Variants in SI observed in about 807,000 individuals in gnomAD.
The protein encoded by SI is sucrase-isomaltase, intestinal.
A neutral mutation model predicts 253.3 loss-of-function variants in SI; 235 were observed. The ratio of observed to expected loss-of-function variants is 0.93; its 90% CI spans 0.83 to 1.03. SI has a LOEUF of 1.03. SI is among the 50% of genes least tolerant of loss of function. The probability of loss-of-function intolerance (pLI) is 0.00; values close to 1 mark genes in which losing one functional copy is unlikely to be tolerated. For missense variants in SI, 2,442 were observed against 2,211.1 expected, an observed-to-expected ratio of 1.10 and a Z score of -2.09; for synonymous variants, 819 against 712.0, an observed-to-expected ratio of 1.15 and a Z score of -2.39.
intron 10 of SI, among the ~76,000 whole-genome samples, chr3:165,059,692 T>C (rs1200367933): frequency 2.0e-5 from 3 of 151,986 alleles, no homozygotes; most frequent in Non-Finnish European, 4.4e-5. Context: ...CTAGTATAAC[T>C]AACAATTGAT....
chr3:165,016,063 G>A lies in SI; in HGVS notation c.3777C>T (p.Asp1259=). ...ANIPYDVQYT[D]IDYMERQLDF... ...CTAGCTGCCTTTCCATGTAGTCAAT[G>A]TCTGTGTACTGAACATCCTGAAATA... is the stretch of plus-strand genomic sequence containing the variant. The change falls in exon 32 of 48, where the codon GAC becomes GAT. Residue 1259 remains aspartate, a synonymous_variant. Transcript: ENST00000264382. The A allele has an allele frequency of 6.2e-7, 1 of 1,612,836 alleles. No homozygotes were observed. Among genetic ancestry groups the A allele is most frequent in the Non-Finnish European group, 8.5e-7 (1 of 1,179,122 alleles).
Position 165,009,783 on chromosome 3 carries a change from T to C in SI, c.4063-388A>G, listed in dbSNP as rs537327207. Among the ~76,000 whole-genome samples, 10 of 152,268 alleles carry C rather than the reference T, an allele frequency of 6.6e-5. No individual in the cohort carries two copies. In the South Asian group the frequency reaches 2.1e-3, roughly 32 times the overall value. On this transcript the variant is annotated intron_variant, in intron 34 of 47. Transcript: ENST00000264382. ...GGCCATAGTATAAAGCCTGTTTTTA[T>C]ATAGCTTTCTCATTTCCCAGAACCA... is the stretch of plus-strand genomic sequence containing the variant.
chr3:164,980,384 T>A (rs991121739), intron 47 of SI, among the ~76,000 whole-genome samples: 1 of 152,010 alleles, frequency 6.6e-6, no homozygotes, highest in Non-Finnish European at 1.5e-5. Flanking sequence ...TAATACTTTT[T>A]ACATAAATCA....
intron 12 of SI, among the ~76,000 whole-genome samples, chr3:165,056,013 C>A (rs555415679): frequency 3.9e-5 from 6 of 152,082 alleles, no homozygotes; most frequent in Admixed American, 3.9e-4. Flanking sequence ...GTGTATTATG[C>A]TGTCTTTTTC....
chr3:165,079,448 T>G (rs180768568), upstream of SI, among the ~76,000 whole-genome samples: 329 of 151,714 alleles, frequency 2.2e-3, 2 homozygotes, highest in African/African-American at 7.7e-3. Flanking sequence ...AAACTAAATA[T>G]GAGTCTAAAA....
intron 1 of SI, among the ~76,000 whole-genome samples, chr3:165,076,469 A>G (rs1714980598): frequency 6.6e-6 from 1 of 151,816 alleles, no homozygotes. Context: ...TTAACAAAGA[A>G]TAAGTTATAG....
At chr3:165,056,100 A>T (rs1713682046) in intron 12 of SI, among the ~76,000 whole-genome samples, 1 of 152,148 alleles carries the variant, frequency 6.6e-6, no homozygotes, top group Admixed American at 6.6e-5. Flanking sequence ...AGGAGAATTT[A>T]ATTTCAGATA....
intron 9 of SI, 48 bp downstream of exon 9, chr3:165,062,323 A>G (rs761129251): frequency 4.4e-6 from 4 of 899,450 alleles, no homozygotes; most frequent in Non-Finnish European, 7.5e-6. Context: ...ATGTTAGATG[A>G]AATAAAAGTA....
chr3:165,008,326 G>A (rs1285720506), intron 35 of SI, among the ~76,000 whole-genome samples: 1 of 151,794 alleles, frequency 6.6e-6, no homozygotes, highest in Non-Finnish European at 1.5e-5. Flanking sequence ...CTCCTGCCCT[G>A]AGCCTGATAT....
chr3:164,987,474 G>T (rs781742306), intron 44 of SI, among the ~76,000 whole-genome samples: 2 of 152,274 alleles, frequency 1.3e-5, no homozygotes, highest in Non-Finnish European at 2.9e-5. Context: ...ACTTTGGGAG[G>T]CCAAGGCGGG....
intron 12 of SI, 95 bp from the exon 13 acceptor site, chr3:165,055,402 TAA>T (rs1475688769): frequency 1.2e-5 from 9 of 724,186 alleles, no homozygotes; most frequent in African/African-American, 5.3e-5. Flanking sequence ...TAAAAAAAAA[TAA>T]AGTTATTCTA....
chr3:165,086,836 G>A, the SI span, among the ~76,000 whole-genome samples: 1 of 152,172 alleles, frequency 6.6e-6, no homozygotes, highest in Non-Finnish European at 1.5e-5. Flanking sequence ...AAAGCTGAGT[G>A]TGGGCAATCA....
At chr3:165,049,072 A>G in intron 15 of SI, 55 bp downstream of exon 15, 1 of 1,011,342 alleles carries the variant, frequency 9.9e-7, no homozygotes, top group Non-Finnish European at 1.6e-6. Flanking sequence ...TAAATTATCA[A>G]AAACATTTTT....
intron 37 of SI, among the ~76,000 whole-genome samples, chr3:165,004,496 G>T (rs1162292520): frequency 6.6e-6 from 1 of 152,072 alleles, no homozygotes; most frequent in East Asian, 1.9e-4. Context: ...GCCCTCCCAT[G>T]TTTATTGCAG....
chr3:165,013,794 T>A (rs1213880879), intron 33 of SI, among the ~76,000 whole-genome samples: 3 of 152,034 alleles, frequency 2.0e-5, no homozygotes, highest in Non-Finnish European at 2.9e-5. Flanking sequence ...TGTGTAGAAA[T>A]ACAGAATGAG....
At chr3:165,050,326 T>G (rs770048807) in intron 13 of SI, among the ~76,000 whole-genome samples, 2 of 152,120 alleles carry the variant, frequency 1.3e-5, no homozygotes, top group African/African-American at 4.8e-5. Context: ...CATAAAAGAA[T>G]GAAAGCTGTA....
At chr3:165,048,010 G>A (rs1713213415) in intron 15 of SI, among the ~76,000 whole-genome samples, 1 of 151,882 alleles carries the variant, frequency 6.6e-6, no homozygotes, top group Non-Finnish European at 1.5e-5. Context: ...TTGAAACATA[G>A]CCTGTTTTTT....
At chr3:165,028,727 G>T (rs1576895314) in intron 25 of SI, among the ~76,000 whole-genome samples, 1 of 150,596 alleles carries the variant, frequency 6.6e-6, no homozygotes, top group South Asian at 2.1e-4. Context: ...ACGATTATTG[G>T]CAAGCCACAT....
intron 37 of SI, 58 bp downstream of exon 37, chr3:165,006,758 T>A: frequency 6.8e-7 from 1 of 1,475,576 alleles, no homozygotes; most frequent in South Asian, 1.1e-5. Flanking sequence ...ATGATAACAT[T>A]AAATGTAAGA....
Sources: allele counts gnomAD v4.1 joint callset (sites outside exome capture counted in the v4.1 genomes callset), GRCh38; gene constraint gnomAD v4.1.1; transcripts MANE v1.5; gene names NCBI Gene and HGNC (gene_info 2026-07-23, HGNC 2026-07-21).